Variants in PTPRZ1 observed in about 807,000 individuals in gnomAD.
The protein encoded by PTPRZ1 is protein tyrosine phosphatase receptor type Z1.
A neutral mutation model predicts 214.1 loss-of-function variants in PTPRZ1; 82 were observed. That is an observed-to-expected ratio of 0.38 (90% CI 0.32 to 0.46). PTPRZ1 has a LOEUF of 0.46. PTPRZ1 is among the 20% of genes least tolerant of loss of function. PTPRZ1 has a pLI of 1.00. For synonymous variants in PTPRZ1, 945 were observed against 987.9 expected (o/e 0.96, Z 0.81); for missense variants, 2,603 against 2,748.7 (o/e 0.95, Z 1.19).
intron 1 of PTPRZ1, among the ~76,000 whole-genome samples, chr7:121,880,885 A>C (rs900330413): frequency 2.6e-5 from 4 of 152,156 alleles, no homozygotes; most frequent in South Asian, 2.1e-4. Flanking sequence ...GAGCATAAGG[A>C]TACCCTTGAG....
At chr7:121,894,504 C>G (rs1794728960) in intron 1 of PTPRZ1, among the ~76,000 whole-genome samples, 1 of 152,154 alleles carries the variant, frequency 6.6e-6, no homozygotes, top group African/African-American at 2.4e-5. Flanking sequence ...CTCCCGGGCT[C>G]AAGTGATCCT....
chr7:121,898,204 C>T (rs1794857973), intron 1 of PTPRZ1, among the ~76,000 whole-genome samples: 1 of 151,804 alleles, frequency 6.6e-6, no homozygotes, highest in Admixed American at 6.6e-5. Flanking sequence ...TAAGTTTCAT[C>T]CTACTCACTG....
intron 14 of PTPRZ1, 95 bp from the exon 15 acceptor site, chr7:122,031,379 A>G (rs1052090294): frequency 1.1e-5 from 9 of 841,078 alleles, no homozygotes; most frequent in African/African-American, 6.9e-5. Flanking sequence ...AATTATACAA[A>G]TAATTGAAGT....
intron 1 of PTPRZ1, among the ~76,000 whole-genome samples, chr7:121,887,250 T>C (rs1794424639): frequency 6.6e-6 from 1 of 152,160 alleles, no homozygotes; most frequent in African/African-American, 2.4e-5. Context: ...TAAATATTTG[T>C]GGCATAAATG....
At chr7:122,049,415 G>A (rs906716759) in intron 23 of PTPRZ1, among the ~76,000 whole-genome samples, 4 of 151,920 alleles carry the variant, frequency 2.6e-5, no homozygotes, top group Non-Finnish European at 1.5e-5. Flanking sequence ...ATCAAGAGAA[G>A]CAAAAGAGAA....
intron 20 of PTPRZ1, among the ~76,000 whole-genome samples, chr7:122,040,611 A>G (rs542382197): frequency 3.9e-5 from 6 of 152,324 alleles, no homozygotes; most frequent in South Asian, 2.1e-4. Context: ...ATGGGCCACC[A>G]TAGTATAGCC....
chr7:121,924,139 C>T (rs1436415596), intron 1 of PTPRZ1, among the ~76,000 whole-genome samples: 3 of 151,928 alleles, frequency 2.0e-5, no homozygotes, highest in Non-Finnish European at 4.4e-5. Context: ...CCATAACCGC[C>T]TTGTCAAAGA....
At chr7:121,951,996 T>G (rs930429518) in intron 2 of PTPRZ1, among the ~76,000 whole-genome samples, 1 of 150,738 alleles carries the variant, frequency 6.6e-6, no homozygotes, top group Non-Finnish European at 1.5e-5. Context: ...TCTCGCTCTG[T>G]CGCCCAGGCT....
At chr7:121,952,229 A>ATTACAGGC (rs1459303668) in intron 2 of PTPRZ1, among the ~76,000 whole-genome samples, 2 of 151,726 alleles carry the variant, frequency 1.3e-5, no homozygotes, top group African/African-American at 4.8e-5. Flanking sequence ...AAGTGCTGGG[A>ATTACAGGC]TTACAGGCGT....
At chr7:121,960,256 G>A (rs1484040955) in intron 2 of PTPRZ1, among the ~76,000 whole-genome samples, 3 of 152,072 alleles carry the variant, frequency 2.0e-5, no homozygotes, top group East Asian at 1.9e-4. Context: ...GGCCAGGCTC[G>A]TCTCAAACTC....
intron 11 of PTPRZ1, among the ~76,000 whole-genome samples, chr7:122,008,410 G>C (rs1798554857): frequency 6.6e-6 from 1 of 152,014 alleles, no homozygotes; most frequent in Non-Finnish European, 1.5e-5. Flanking sequence ...AAACAAATCA[G>C]AAACACAAAA....
At position 121,877,758 on chromosome 7, in the gene PTPRZ1, T is replaced by C. The variant is rs1794105613; in HGVS notation, c.58+4201T>C. 2.0e-5 allele frequency among the ~76,000 whole-genome samples: 3 copies of C among 152,214 alleles called. No individual in the cohort carries two copies. The South Asian group carries it at 6.2e-4, about 32-fold the overall frequency. On this transcript the variant is annotated intron_variant, in intron 1 of 29. Transcript: ENST00000393386. Reference sequence around the variant, plus strand: ...TCTTGTTTTAAAGATACTTTTTCTGTTCACAACTAGTCGAAAATAAGTCTT... The same window carrying C: ...TCTTGTTTTAAAGATACTTTTTCTGCTCACAACTAGTCGAAAATAAGTCTT...
intron 1 of PTPRZ1, among the ~76,000 whole-genome samples, chr7:121,888,845 G>A (rs547116416): frequency 1.3e-5 from 2 of 152,166 alleles, no homozygotes; most frequent in East Asian, 3.9e-4. Context: ...TAGAATATTA[G>A]CTATGTTATT....
At chr7:121,995,595 T>A (rs925028671) in intron 8 of PTPRZ1, among the ~76,000 whole-genome samples, 2 of 152,196 alleles carry the variant, frequency 1.3e-5, no homozygotes, top group African/African-American at 4.8e-5. Context: ...TCTGAATGAT[T>A]TTTCATAATA....
intron 8 of PTPRZ1, among the ~76,000 whole-genome samples, chr7:121,992,449 C>T (rs75248504): frequency 5.8e-4 from 89 of 152,248 alleles, no homozygotes; most frequent in African/African-American, 1.9e-3. Flanking sequence ...TCCATTCCTA[C>T]GTACTAGGTG....
chr7:121,915,922 A>C (rs1235637818), intron 1 of PTPRZ1, among the ~76,000 whole-genome samples: 4 of 152,252 alleles, frequency 2.6e-5, no homozygotes, highest in African/African-American at 9.6e-5. Flanking sequence ...AGAAACATTG[A>C]CTTGCCCACA....
At chr7:121,968,410 T>A (rs1797108901) in intron 3 of PTPRZ1, among the ~76,000 whole-genome samples, 1 of 152,184 alleles carries the variant, frequency 6.6e-6, no homozygotes, top group African/African-American at 2.4e-5. Flanking sequence ...ACAGCTAATA[T>A]AATTTAGTCA....
intron 1 of PTPRZ1, among the ~76,000 whole-genome samples, chr7:121,901,517 G>A (rs1794956880): frequency 6.6e-6 from 1 of 152,058 alleles, no homozygotes; most frequent in African/African-American, 2.4e-5. Context: ...TCTAAAATTT[G>A]ATGAAGTATT....
chr7:122,023,231 A>G (rs2116695505), intron 13 of PTPRZ1, among the ~76,000 whole-genome samples: 1 of 151,910 alleles, frequency 6.6e-6, no homozygotes, highest in East Asian at 1.9e-4. Flanking sequence ...TATTTTTTGT[A>G]TAAACTTTCA....
Sources: gnomAD v4.1 joint callset for allele counts (sites outside exome capture counted in the v4.1 genomes callset) on GRCh38, gnomAD v4.1.1 for gene constraint, MANE v1.5 for transcripts, NCBI Gene and HGNC (gene_info 2026-07-23, HGNC 2026-07-21) for gene names.